Variants in TRPC3 observed in about 807,000 individuals in gnomAD.
The protein encoded by TRPC3 is transient receptor potential cation channel subfamily C member 3.
In TRPC3, 54 loss-of-function variants were observed where a neutral mutation model predicts 90.9. The observed-to-expected ratio is 0.59, with a 90% CI of 0.48 to 0.75. TRPC3 has a LOEUF of 0.75. TRPC3 is among the 30% of genes least tolerant of loss of function. The pLI, the probability that TRPC3 is intolerant of heterozygous loss-of-function variation, is 0.00. For missense variants in TRPC3, 918 were observed against 1,194.5 expected, an observed-to-expected ratio of 0.77 and a Z score of 3.41; for synonymous variants, 424 against 450.9, an observed-to-expected ratio of 0.94 and a Z score of 0.75.
At chr4:121,923,157 C>T (rs533620078) in intron 3 of TRPC3, among the ~76,000 whole-genome samples, 4 of 151,920 alleles carry the variant, frequency 2.6e-5, no homozygotes, top group African/African-American at 9.7e-5. Flanking sequence ...CAAACATTGG[C>T]TTAGGTTCCA....
intron 1 of TRPC3, among the ~76,000 whole-genome samples, chr4:121,938,415 A>G (rs540283021): frequency 1.3e-5 from 2 of 152,248 alleles, no homozygotes; most frequent in South Asian, 4.1e-4. Flanking sequence ...TCTGCTTTGG[A>G]ATGTTTCTTG....
intron 3 of TRPC3, among the ~76,000 whole-genome samples, chr4:121,921,914 T>G (rs1039715583): frequency 8.4e-6 from 1 of 118,710 alleles, no homozygotes; most frequent in African/African-American, 2.8e-5. Context: ...TTTGGGTTTT[T>G]TTTTGTTTTT....
At chr4:121,880,596 T>C (rs1349904611) in intron 11 of TRPC3, among the ~76,000 whole-genome samples, 1 of 152,058 alleles carries the variant, frequency 6.6e-6, no homozygotes, top group Non-Finnish European at 1.5e-5. Flanking sequence ...AGCATACGTA[T>C]ATTGCAATTA....
Position 121,874,639 on chromosome 4 carries a change from CT to C in TRPC3, c.*5096del, listed in dbSNP as rs1480839954. Among the ~76,000 whole-genome samples, 1 of 152,214 alleles carries C rather than the reference CT, an allele frequency of 6.6e-6. No individual in the cohort carries two copies. Among genetic ancestry groups the C allele is most frequent in the East Asian group, 1.9e-4 (1 of 5,204 alleles). On this transcript the variant is annotated 3_prime_UTR_variant, in exon 12 of 12. Coordinates refer to ENST00000379645, the MANE Select transcript of TRPC3 (RefSeq NM_001130698.2). ...TCTTCACGTGGTCCTCCCTCTATGTCTGTCTGTGTCTCATCTTGTCTTTTTA... is the reference window on the plus strand; with the variant it reads ...TCTTCACGTGGTCCTCCCTCTATGTCGTCTGTGTCTCATCTTGTCTTTTTA...
chr4:121,925,109 C>G lies in TRPC3; in HGVS notation c.1085G>C (p.Gly362Ala). 1 of 1,614,108 alleles carries G rather than the reference C, an allele frequency of 6.2e-7. No individual in the cohort carries two copies. Among genetic ancestry groups the G allele is most frequent in the Non-Finnish European group, 8.5e-7 (1 of 1,180,010 alleles). The change falls in exon 3 of 12, where the codon GGA becomes GCA. Residue 362 changes from glycine (G) to alanine (A), a missense_variant. Around this residue, in one of 4 missense-constraint regions of TRPC3, gnomAD observed 609 missense variants for 725.9 expected, o/e 0.84. Transcript: ENST00000379645. Reference protein sequence around the residue: ...DSEEVEAILNGDLESAEPLEV... With the variant: ...DSEEVEAILNADLESAEPLEV... ...CAGAGGCTCTGCTGATTCCAGATCTCCATTCAGAATGGCTTCTACCTCTTC... is the reference window on the plus strand; with the variant it reads ...CAGAGGCTCTGCTGATTCCAGATCTGCATTCAGAATGGCTTCTACCTCTTC...
chr4:121,896,306 C>A (rs1728514210), intron 10 of TRPC3, among the ~76,000 whole-genome samples: 1 of 152,022 alleles, frequency 6.6e-6, no homozygotes, highest in Admixed American at 6.6e-5. Flanking sequence ...ATTGGATGCT[C>A]TGGCCAGAAC....
chr4:121,952,025 C>T lies in TRPC3; in HGVS notation c.-345G>A, dbSNP rs982522718. ...CCTCCTCGGCGCCCGTCTCCTGTCT[C>T]CGACAGCATCACTTGCTAGGACAGC... On this transcript the variant is annotated 5_prime_UTR_variant, in exon 1 of 12. Coordinates refer to ENST00000379645, the MANE Select transcript of TRPC3 (RefSeq NM_001130698.2). Among the ~76,000 whole-genome samples the T allele has an allele frequency of 5.3e-5, 8 of 151,826 alleles. No homozygotes were observed. Among genetic ancestry groups the T allele is most frequent in the Non-Finnish European group, 1.2e-4 (8 of 67,952 alleles).
chr4:121,908,033 G>A (rs955161544), intron 6 of TRPC3, among the ~76,000 whole-genome samples: 8 of 152,032 alleles, frequency 5.3e-5, no homozygotes, highest in African/African-American at 9.7e-5. Flanking sequence ...AAAATATTTC[G>A]AGGAGTGAGA....
Position 121,910,941 on chromosome 4 carries a change from T to G in TRPC3, c.1559-554A>C, listed in dbSNP as rs976920896. 5.3e-5 allele frequency among the ~76,000 whole-genome samples: 8 copies of G among 152,252 alleles called. No individual in the cohort carries two copies. In the East Asian group the frequency reaches 1.4e-3, roughly 26 times the overall value. ...GTTTGAAAAAGATGAAACCCTTAAGTGAGAGGTCCTAGGACATTCTGAAGA... is the reference window on the plus strand; with the variant it reads ...GTTTGAAAAAGATGAAACCCTTAAGGGAGAGGTCCTAGGACATTCTGAAGA... On this transcript the variant is annotated intron_variant, in intron 5 of 11. Transcript: ENST00000379645.
intron 3 of TRPC3, among the ~76,000 whole-genome samples, chr4:121,917,757 G>C (rs1729366588): frequency 6.6e-6 from 1 of 152,224 alleles, no homozygotes; most frequent in African/African-American, 2.4e-5. Context: ...GGCATCCCTG[G>C]TGGCTGCAGC....
chr4:121,948,954 C>T (rs1273132800), intron 1 of TRPC3, among the ~76,000 whole-genome samples: 2 of 151,966 alleles, frequency 1.3e-5, no homozygotes, highest in Non-Finnish European at 2.9e-5. Flanking sequence ...ACCTCTCCCT[C>T]ATGAGATTGT....
rs140402789 is a variant in TRPC3 at position 121,908,490 on chromosome 4, C to T, written c.1793-923G>A. Among the ~76,000 whole-genome samples the T allele has an allele frequency of 1.1e-4, 16 of 152,172 alleles. No individual in the cohort carries two copies. In the East Asian group the frequency reaches 1.5e-3, roughly 15 times the overall value. ...CGGAATCAACCTAGGTGCTCATCAA[C>T]AGTGGACTGGATACAGAAAATGTGG... On this transcript the variant is annotated intron_variant, in intron 6 of 11. Coordinates refer to ENST00000379645, the MANE Select transcript of TRPC3 (RefSeq NM_001130698.2).
At position 121,932,512 on chromosome 4, in the gene TRPC3, A is replaced by C. The variant is rs1229265035; in HGVS notation, c.746T>G (p.Val249Gly). 6.2e-7 allele frequency: 1 copy of C among 1,614,208 alleles called. No homozygotes were observed. The highest frequency in any genetic ancestry group is 8.5e-7 in the Non-Finnish European group (1 of 1,180,026). Reference protein sequence around the residue: ...LAAHCQKYEVVHMLLMKGARI... With the variant: ...LAAHCQKYEVGHMLLMKGARI... ...GGCACCCTTCATCAGCAGCATGTGC[A>C]CCACTTCGTATTTCTGGCAGTGCGC... is the stretch of plus-strand genomic sequence containing the variant. The change falls in exon 2 of 12, where the codon GTG becomes GGG. Residue 249 changes from valine (V) to glycine (G), a missense_variant. This residue lies in a region of TRPC3 where 609 missense variants were observed against 725.9 expected (regional missense o/e 0.84). Coordinates refer to ENST00000379645, the MANE Select transcript of TRPC3 (RefSeq NM_001130698.2). This position sits in a 1 kb window ranked among gnomAD's most constrained non-coding sequence, Gnocchi z 7.7.
intron 1 of TRPC3, among the ~76,000 whole-genome samples, chr4:121,934,259 T>TA (rs1194800382): frequency 6.6e-6 from 1 of 152,200 alleles, no homozygotes; most frequent in Non-Finnish European, 1.5e-5. Flanking sequence ...TCCTCATGAA[T>TA]AAAAAGCTTT....
chr4:121,909,501 C>T (rs1324191567), intron 6 of TRPC3, among the ~76,000 whole-genome samples: 3 of 152,126 alleles, frequency 2.0e-5, no homozygotes, highest in Admixed American at 6.6e-5. Context: ...GCTAACATTA[C>T]TTACCATTGG....
intron 9 of TRPC3, among the ~76,000 whole-genome samples, chr4:121,901,360 C>CCAG (rs750753779): frequency 5.3e-5 from 8 of 152,100 alleles, no homozygotes; most frequent in Non-Finnish European, 1.0e-4. Context: ...AGGAAGTGGG[C>CCAG]CAGTAACCAA....
intron 6 of TRPC3, among the ~76,000 whole-genome samples, chr4:121,909,931 G>A (rs1323439082): frequency 6.6e-6 from 1 of 152,024 alleles, no homozygotes; most frequent in Non-Finnish European, 1.5e-5. Context: ...TGAAAACTGA[G>A]GCACAGTGAA....
At chr4:121,938,389 A>C (rs1730201132) in intron 1 of TRPC3, among the ~76,000 whole-genome samples, 1 of 152,202 alleles carries the variant, frequency 6.6e-6, no homozygotes, top group Admixed American at 6.5e-5. Flanking sequence ...CATGTCAGTC[A>C]CAAAGTTCTA....
In TRPC3 at chr4:121,910,271, C is replaced by G; in HGVS notation, c.1675G>C (p.Ala559Pro). The stretch of plus-strand genomic sequence containing the variant: ...GCCTGAAGGAAAGCTAGGAATCTGG[C>G]TGTGAAAGCAGCAATGAAGATGGAC... ...MLSIFIAAFT[A>P]RFLAFLQATK... The change falls in exon 6 of 12, where the codon GCC becomes CCC. Residue 559 changes from alanine to proline, a missense_variant. By Grantham distance (27) the Ala-to-Pro change is conservative. This residue lies in a region of TRPC3 where 147 missense variants were observed against 263.5 expected (regional missense o/e 0.56). Transcript: ENST00000379645. 1 of 1,613,834 alleles carries G rather than the reference C, an allele frequency of 6.2e-7. No individual in the cohort carries two copies. Among genetic ancestry groups the G allele is most frequent in the Non-Finnish European group, 8.5e-7 (1 of 1,179,804 alleles).
Sources: allele counts gnomAD v4.1 joint callset (sites outside exome capture counted in the v4.1 genomes callset), GRCh38; gene constraint gnomAD v4.1.1; regional missense constraint gnomAD v4.1.1; non-coding constraint Gnocchi (gnomAD v3.1); transcripts MANE v1.5; gene names NCBI Gene and HGNC (gene_info 2026-07-23, HGNC 2026-07-21).